The following FRMPD4 variants were observed in gnomAD, a reference collection of about 807,000 sequenced individuals.
FRMPD4 encodes FERM and PDZ domain-containing protein 4.
FRMPD4 carries 22 observed loss-of-function variants against 94.1 expected under a neutral mutation model. That is an observed-to-expected ratio of 0.23 (90% confidence interval 0.17 to 0.33). FRMPD4 has a LOEUF of 0.33. FRMPD4 is among the 10% of genes least tolerant of loss of function. The pLI, the probability that FRMPD4 is intolerant of heterozygous loss-of-function variation, is 1.00. For synonymous variants in FRMPD4, 631 were observed against 548.6 expected (o/e 1.15, Z -2.10); for missense variants, 1,111 against 1,339.9 (o/e 0.83, Z 2.67).
intron 3 of FRMPD4, among the ~76,000 whole-genome samples, chrX:11,966,295 G>A (rs934539087): frequency 1.8e-5 from 2 of 111,018 alleles, no homozygotes; most frequent in East Asian, 5.7e-4. Context: ...TCATGAATGG[G>A]ATTAGTGCCC....
At chrX:12,451,815 G>A (rs895618716) in intron 1 of FRMPD4, among the ~76,000 whole-genome samples, 2 of 108,687 alleles carry the variant, frequency 1.8e-5, no homozygotes. Flanking sequence ...CCAAGTGTTT[G>A]CATATTAAAT....
intron 3 of FRMPD4, among the ~76,000 whole-genome samples, chrX:12,047,646 C>G (rs1283541942): frequency 9.0e-6 from 1 of 111,246 alleles, no homozygotes; most frequent in East Asian, 2.8e-4. Flanking sequence ...ACCCTTACCT[C>G]CCTCTCTCCC....
Position 12,574,149 on chromosome X carries a change from T to A in FRMPD4, c.159-35572T>A, listed in dbSNP as rs1177335182. Among the ~76,000 whole-genome samples, 3 of 111,590 alleles carry A rather than the reference T, an allele frequency of 2.7e-5. No homozygotes were observed. The Admixed American group carries it at 2.8e-4, about 11-fold the overall frequency. On this transcript the variant is annotated intron_variant, in intron 2 of 16. Transcript: ENST00000675598. ...CTGAGTAGCTGGGATTACAGGCATG[T>A]GCCGCCATACCCAGCTAATTTTTGT...
At chrX:12,042,770 A>C (rs1444322162) in intron 3 of FRMPD4, among the ~76,000 whole-genome samples, 2 of 111,635 alleles carry the variant, frequency 1.8e-5, no homozygotes, top group African/African-American at 6.5e-5. Flanking sequence ...GTCCTTGTGA[A>C]ATTTGTGGTT....
intron 1 of FRMPD4, among the ~76,000 whole-genome samples, chrX:12,423,228 G>A (rs2056906714): frequency 9.3e-6 from 1 of 106,981 alleles, no homozygotes; most frequent in Non-Finnish European, 1.9e-5. Context: ...GAGAGAGTGA[G>A]ACGCCGTCTA....
intron 1 of FRMPD4, among the ~76,000 whole-genome samples, chrX:12,417,360 C>T (rs769672126): frequency 1.2e-4 from 13 of 109,877 alleles, no homozygotes; most frequent in East Asian, 2.9e-4. Context: ...GAGTGGATCA[C>T]CTGCGGTCAG....
chrX:12,454,492 G>A (rs1458479618), intron 1 of FRMPD4, among the ~76,000 whole-genome samples: 2 of 110,250 alleles, frequency 1.8e-5, no homozygotes, highest in Non-Finnish European at 3.8e-5. Context: ...ACGTGATCGT[G>A]GACTGCCGAG....
intron 1 of FRMPD4, among the ~76,000 whole-genome samples, chrX:12,299,736 C>T (rs1299093948): frequency 1.8e-5 from 2 of 111,713 alleles, no homozygotes; most frequent in Non-Finnish European, 3.8e-5. Context: ...ATAGTCCCTG[C>T]CCTCTGGGAA....
intron 2 of FRMPD4, among the ~76,000 whole-genome samples, chrX:12,553,466 A>ATCTATC (rs2058562588): frequency 3.8e-5 from 3 of 78,091 alleles, no homozygotes; most frequent in African/African-American, 5.3e-5. Flanking sequence ...ATATATATAT[A>ATCTATC]TCTAATCCAC....
chrX:12,381,084 C>A (rs959558083), intron 1 of FRMPD4, among the ~76,000 whole-genome samples: 3 of 111,774 alleles, frequency 2.7e-5, no homozygotes, highest in African/African-American at 9.8e-5. Context: ...GGACTCCATC[C>A]CAACAATTTG....
chrX:12,011,987 G>A (rs1012110785), intron 3 of FRMPD4, among the ~76,000 whole-genome samples: 3 of 107,661 alleles, frequency 2.8e-5, no homozygotes, highest in Admixed American at 2.0e-4. Context: ...TGCAACCTCC[G>A]CCTCCCAGGT....
At chrX:12,037,421 A>AC (rs1006557300) in intron 3 of FRMPD4, among the ~76,000 whole-genome samples, 1 of 110,441 alleles carries the variant, frequency 9.1e-6, no homozygotes, top group African/African-American at 3.3e-5. Context: ...ACTTCCCATC[A>AC]CCCTTGGCCC....
chrX:12,317,605 A>G (rs1008872546), intron 1 of FRMPD4, among the ~76,000 whole-genome samples: 1 of 96,892 alleles, frequency 1.0e-5, no homozygotes, highest in Non-Finnish European at 2.0e-5. Flanking sequence ...AAAAAAAAAC[A>G]AAAAAAACAA....
At chrX:11,825,190 T>TTGTGTGTGTGTGTGTGTGTGTG (rs747320680) in intron 1 of FRMPD4, among the ~76,000 whole-genome samples, 1 of 80,162 alleles carries the variant, frequency 1.2e-5, no homozygotes, top group Non-Finnish European at 2.4e-5. Context: ...TGTGTCTTCT[T>TTGTGTGTGTGTGTGTGTGTGTG]TGTGTGTGTG....
chrX:12,287,909 G>A (rs1167786762), intron 1 of FRMPD4, among the ~76,000 whole-genome samples: 4 of 112,014 alleles, frequency 3.6e-5, no homozygotes, highest in Non-Finnish European at 7.5e-5. Flanking sequence ...ACATTTGGGT[G>A]TTGGCAGCAG....
chrX:11,843,174 T>G (rs1049374627), intron 1 of FRMPD4, among the ~76,000 whole-genome samples: 11 of 112,131 alleles, frequency 9.8e-5, no homozygotes, highest in Non-Finnish European at 1.3e-4. Flanking sequence ...TGTATAATCC[T>G]TTTTACAAGT....
At chrX:12,398,475 C>T (rs2056571209) in intron 1 of FRMPD4, among the ~76,000 whole-genome samples, 1 of 111,123 alleles carries the variant, frequency 9.0e-6, no homozygotes, top group Non-Finnish European at 1.9e-5. Context: ...TGACAGGAAT[C>T]ATTATTAGCT....
At chrX:12,623,208 AAGGAAGG>A in intron 4 of FRMPD4, among the ~76,000 whole-genome samples, 3 of 9,116 alleles carry the variant, frequency 3.3e-4, no homozygotes, top group African/African-American at 5.4e-4. Context: ...GAAAGAAAGG[AAGGAAGG>A]AAGGAAGGAA....
chrX:11,945,894 A>G (rs766613201), intron 3 of FRMPD4, among the ~76,000 whole-genome samples: 3 of 112,260 alleles, frequency 2.7e-5, no homozygotes, highest in African/African-American at 9.7e-5. Flanking sequence ...CACTTGTCCA[A>G]GGTTACACAC....
Sources: gnomAD v4.1 joint callset for allele counts (sites outside exome capture counted in the v4.1 genomes callset) on GRCh38, gnomAD v4.1.1 for gene constraint, MANE v1.5 for transcripts, NCBI Gene and HGNC (gene_info 2026-07-23, HGNC 2026-07-21) for gene names.